Variants in SLC9A1 observed in about 807,000 individuals in gnomAD.
SLC9A1 encodes solute carrier family 9 member A1.
In SLC9A1, 22 loss-of-function variants were observed where a neutral mutation model predicts 67.9. That is an observed-to-expected ratio of 0.32 (90% CI 0.23 to 0.46). SLC9A1 has a LOEUF of 0.46. Ranked by LOEUF, SLC9A1 falls within the 20% of genes least tolerant of loss-of-function variation. The pLI is 1.00. For missense variants in SLC9A1, 686 were observed against 1,094.8 expected, an observed-to-expected ratio of 0.63 and a Z score of 5.27; for synonymous variants, 421 against 471.8, an observed-to-expected ratio of 0.89 and a Z score of 1.40.
intron 1 of SLC9A1, among the ~76,000 whole-genome samples, chr1:27,121,055 C>G (rs1038112047): frequency 3.1e-4 from 47 of 152,174 alleles, no homozygotes; most frequent in African/African-American, 1.1e-3. Context: ...ATGCCTCCCC[C>G]ACAAAAACAG....
At chr1:27,139,446 C>T (rs149007573) in intron 1 of SLC9A1, among the ~76,000 whole-genome samples, 96 of 152,334 alleles carry the variant, frequency 6.3e-4, no homozygotes, top group East Asian at 5.8e-3. Context: ...ATGACTCGCA[C>T]CCTTCGGGGC....
chr1:27,109,730 G>A lies in SLC9A1; in HGVS notation c.861C>T (p.Gly287=), dbSNP rs781283605. The A allele has an allele frequency of 2.1e-5, 34 of 1,613,984 alleles. No homozygotes were observed. The highest frequency in any genetic ancestry group is 1.6e-4 in the Middle Eastern group (1 of 6,076). ...FEEFANYEHV[G]IVDIFLGFLS... ...GGAAGCCGAGGAAGATGTCCACGATGCCCACGTGTTCGTAGTTGGCAAACT... is the reference window on the plus strand; with the variant it reads ...GGAAGCCGAGGAAGATGTCCACGATACCCACGTGTTCGTAGTTGGCAAACT... Residue 287 remains glycine, a synonymous_variant, in exon 3 of 12, where the codon GGC becomes GGT. Transcript: ENST00000263980. This position sits in a 1 kb window ranked among gnomAD's most constrained non-coding sequence, Gnocchi z 5.5.
At chr1:27,130,215 C>T (rs928370453) in intron 1 of SLC9A1, among the ~76,000 whole-genome samples, 4 of 152,242 alleles carry the variant, frequency 2.6e-5, no homozygotes, top group African/African-American at 7.2e-5. Flanking sequence ...ATTGTCCCGC[C>T]TCAGCCTCCT....
chr1:27,105,915 G>A lies in SLC9A1; in HGVS notation c.1455C>T (p.Ile485=), dbSNP rs1205894228. The part of the protein sequence containing the change: ...PMCDLFLTAI[I]TVIFFTVFVQ... ...CAAAGACGGTGAAGAAGATGACAGT[G>A]ATGATGGCAGTGAGGAACAGGTCAC... The change falls in exon 5 of 12, where the codon ATC becomes ATT. Residue 485 remains isoleucine (I), a synonymous_variant. Transcript: ENST00000263980. 3.1e-6 allele frequency: 5 copies of A among 1,613,606 alleles called. No individual in the cohort carries two copies. The highest frequency in any genetic ancestry group is 4.2e-6 in the Non-Finnish European group (5 of 1,180,026).
intron 1 of SLC9A1, among the ~76,000 whole-genome samples, chr1:27,140,266 G>A (rs2083445902): frequency 6.6e-6 from 1 of 151,934 alleles, no homozygotes; most frequent in Admixed American, 6.6e-5. Context: ...CTTGAGGCTG[G>A]GATTATATTT....
At chr1:27,125,239 T>TC (rs2083333806) in intron 1 of SLC9A1, among the ~76,000 whole-genome samples, 1 of 117,158 alleles carries the variant, frequency 8.5e-6, no homozygotes, top group Non-Finnish European at 1.7e-5. Flanking sequence ...TTTTCTTTCT[T>TC]TTTTTTTTTT....
At chr1:27,115,635 G>A (rs1282537665) in intron 1 of SLC9A1, among the ~76,000 whole-genome samples, 2 of 151,488 alleles carry the variant, frequency 1.3e-5, no homozygotes, top group African/African-American at 2.4e-5. Context: ...CAACATAGGA[G>A]ACCTCATCTC....
At chr1:27,113,239 G>T (rs1333005272) in intron 2 of SLC9A1, among the ~76,000 whole-genome samples, 1 of 152,094 alleles carries the variant, frequency 6.6e-6, no homozygotes, top group East Asian at 1.9e-4. Context: ...CAGGAGGATG[G>T]TTTGAGGCCA....
At chr1:27,107,617 ACC>A (rs770331637) in intron 4 of SLC9A1, 29 bp downstream of exon 4, 2 of 1,508,190 alleles carry the variant, frequency 1.3e-6, no homozygotes, top group East Asian at 4.9e-5. Flanking sequence ...CCACACCACA[ACC>A]CCCACCCCGC....
intron 1 of SLC9A1, among the ~76,000 whole-genome samples, chr1:27,131,907 G>A (rs564146572): frequency 4.3e-4 from 55 of 128,254 alleles, no homozygotes; most frequent in African/African-American, 1.5e-3. Flanking sequence ...GGCAATAGAG[G>A]GAGAATCCGT....
At chr1:27,132,439 C>T (rs758671083) in intron 1 of SLC9A1, among the ~76,000 whole-genome samples, 4 of 152,098 alleles carry the variant, frequency 2.6e-5, no homozygotes, top group Non-Finnish European at 5.9e-5. Context: ...TTTGCCCTGA[C>T]TCCCTAGGAT....
chr1:27,127,948 G>A (rs1279816527), intron 1 of SLC9A1, among the ~76,000 whole-genome samples: 4 of 152,226 alleles, frequency 2.6e-5, no homozygotes, highest in Non-Finnish European at 5.9e-5. Context: ...TGAACAAGCC[G>A]TTGCTTCTCT....
At chr1:27,119,042 AACACACACACACACACACACACAC>A (rs35231148) in intron 1 of SLC9A1, among the ~76,000 whole-genome samples, 4 of 139,358 alleles carry the variant, frequency 2.9e-5, no homozygotes, top group Non-Finnish European at 6.2e-5. Context: ...AGCTGGAACG[AACACACACACACACACACACACAC>A]ACACACACAC....
rs1020405727 is a variant in SLC9A1, at chr1:27,109,402, T to C, written c.1064+125A>G. On this transcript the variant is annotated intron_variant, in intron 3 of 11. Transcript: ENST00000263980. This position sits in a 1 kb window ranked among gnomAD's most constrained non-coding sequence, Gnocchi z 5.5. ...AAGCAGGTCTGGAGCCTGGAGTTCA[T>C]GTCTCATCCCTGGAGCTCAAGGCTG... 9.6e-6 allele frequency: 10 copies of C among 1,044,958 alleles called. No homozygotes were observed. The highest frequency in any genetic ancestry group is 1.1e-5 in the Non-Finnish European group (8 of 700,458). 64.7% of individuals were successfully genotyped at this position (1,044,958 alleles called of 1,614,324 possible).
Position 27,101,737 on chromosome 1 carries a change from C to T in SLC9A1, c.2025G>A (p.Gln675=). ...QMLLRRQKAR[Q]LEQKINNYLT... ...AGGCAGAGGCTACCTTCTGCTCCAG[C>T]TGCCGGGCCTTCTGCCTCCGGAGCA... The change falls in exon 10 of 12, where the codon CAG becomes CAA. Residue 675 remains glutamine (Q), a synonymous_variant. Transcript: ENST00000263980. This position sits in a 1 kb window ranked among gnomAD's most constrained non-coding sequence, Gnocchi z 4.9. 1 of 1,611,470 alleles carries T rather than the reference C, an allele frequency of 6.2e-7. No homozygotes were observed. The highest frequency in any genetic ancestry group is 2.2e-5 in the East Asian group (1 of 44,844).
At chr1:27,147,936 G>A (rs112496946) in intron 1 of SLC9A1, among the ~76,000 whole-genome samples, 2,775 of 152,222 alleles carry the variant, frequency 0.018, 79 homozygotes, top group African/African-American at 0.063. Context: ...AGAGGTTGCA[G>A]TGAGCTGAGA....
rs749935476 is a variant in SLC9A1 at position 27,102,405 on chromosome 1, G to A, written c.1800C>T (p.Ala600=). 1.0e-5 allele frequency: 16 copies of A among 1,599,242 alleles called. No homozygotes were observed. The highest frequency in any genetic ancestry group is 2.2e-5 in the East Asian group (1 of 44,558). Residue 600 remains alanine (A), a synonymous_variant, in exon 8 of 12, where the codon GCC becomes GCT. Transcript: ENST00000263980. ...ESGGMGKIPS[A]VSTVSMQNIH... ...CTCACTGCATGGAGACGGTGGAGAC[G>A]GCAGAGGGGATCTTGCCCATGCCCC...
intron 5 of SLC9A1, chr1:27,103,550 A>C: frequency 1.8e-6 from 1 of 544,216 alleles, no homozygotes; most frequent in Non-Finnish European, 3.3e-6. Context: ...TGACCCCCAC[A>C]CTGGTCATCT....
chr1:27,146,767 G>A (rs577853595), intron 1 of SLC9A1, among the ~76,000 whole-genome samples: 1 of 152,248 alleles, frequency 6.6e-6, no homozygotes, highest in African/African-American at 2.4e-5. Flanking sequence ...GAGACAGAGC[G>A]AAATCCTGTC....
Sources: allele counts gnomAD v4.1 joint callset (sites outside exome capture counted in the v4.1 genomes callset), GRCh38; gene constraint gnomAD v4.1.1; non-coding constraint Gnocchi (gnomAD v3.1); transcripts MANE v1.5; gene names NCBI Gene and HGNC (gene_info 2026-07-23, HGNC 2026-07-21).